Variants in TSHZ2 observed in about 807,000 individuals in gnomAD.
TSHZ2 encodes teashirt homolog 2.
Under a neutral mutation model 74.4 loss-of-function variants are expected in TSHZ2, and 21 were observed. The ratio of observed to expected loss-of-function variants is 0.28; its 90% CI spans 0.20 to 0.41. TSHZ2 has a LOEUF of 0.41. Ranked by LOEUF, TSHZ2 falls within the 10% of genes least tolerant of loss-of-function variation. TSHZ2 has a pLI of 1.00. For synonymous variants in TSHZ2, 540 were observed against 515.3 expected (o/e 1.05, Z -0.65); for missense variants, 1,244 against 1,293.5 (o/e 0.96, Z 0.59).
chr20:53,470,451 T>G (rs559839747), intron 2 of TSHZ2, among the ~76,000 whole-genome samples: 1 of 152,328 alleles, frequency 6.6e-6, no homozygotes, highest in South Asian at 2.1e-4. Flanking sequence ...TACAGGTTTC[T>G]CCCAGGATTA....
At position 53,157,374 on chromosome 20, in the gene TSHZ2, A is replaced by G. The variant is rs544170907; in HGVS notation, c.41-96125A>G. 1.3e-4 allele frequency among the ~76,000 whole-genome samples: 19 copies of G among 150,750 alleles called. No individual in the cohort carries two copies. The South Asian group carries it at 3.6e-3, about 28-fold the overall frequency. The stretch of plus-strand genomic sequence containing the variant: ...ATTCATTTTACTAATGTTCTGTTGA[A>G]CAAACCTGTTCTATCCTCCAACATT... On this transcript the variant is annotated intron_variant, in intron 1 of 2. Transcript: ENST00000371497.
At chr20:53,375,222 G>A (rs1981619035) in intron 2 of TSHZ2, among the ~76,000 whole-genome samples, 1 of 152,194 alleles carries the variant, frequency 6.6e-6, no homozygotes, top group Non-Finnish European at 1.5e-5. Context: ...CAAAAATTGT[G>A]AAGGTGGCCT....
At chr20:53,437,242 G>A (rs1984119455) in intron 2 of TSHZ2, among the ~76,000 whole-genome samples, 1 of 152,108 alleles carries the variant, frequency 6.6e-6, no homozygotes, top group African/African-American at 2.4e-5. Context: ...GGAGGCCGAG[G>A]CAGATGGATC....
chr20:53,057,541 AT>A (rs1984680873), intron 1 of TSHZ2, among the ~76,000 whole-genome samples: 1 of 151,942 alleles, frequency 6.6e-6, no homozygotes, highest in Non-Finnish European at 1.5e-5. Context: ...TTTGCTTTTT[AT>A]GTTGTTATTA....
In TSHZ2 at chr20:53,124,506, T is replaced by C. The variant is rs372704960; in HGVS notation, c.41-128993T>C. On this transcript the variant is annotated intron_variant, in intron 1 of 2. Coordinates refer to ENST00000371497, the MANE Select transcript of TSHZ2 (RefSeq NM_173485.6). The stretch of plus-strand genomic sequence containing the variant: ...TGAAGAGCTAAATGCAAACCTAGCA[T>C]CAGGAGGAGCTCTCTCCATGCATCA... Among the ~76,000 whole-genome samples the C allele has an allele frequency of 4.6e-5, 7 of 152,188 alleles. No individual in the cohort carries two copies. The East Asian group carries it at 1.2e-3, about 25-fold the overall frequency.
In TSHZ2 at chr20:53,055,006, G is replaced by T. The variant is rs371427994; in HGVS notation, c.40+81673G>T. ...GGAAGCCAGAAATCCAGATTTATATGTCAAATCTTCTGATTTCAAAATGTT... is the reference window on the plus strand; with the variant it reads ...GGAAGCCAGAAATCCAGATTTATATTTCAAATCTTCTGATTTCAAAATGTT... On this transcript the variant is annotated intron_variant, in intron 1 of 2. Coordinates refer to ENST00000371497, the MANE Select transcript of TSHZ2 (RefSeq NM_173485.6). Among the ~76,000 whole-genome samples, 68 of 152,272 alleles carry T rather than the reference G, an allele frequency of 4.5e-4. No individual in the cohort carries two copies. The Middle Eastern group carries it at 0.014, about 30-fold the overall frequency.
intron 2 of TSHZ2, among the ~76,000 whole-genome samples, chr20:53,387,444 G>T (rs938957028): frequency 6.6e-6 from 1 of 152,194 alleles, no homozygotes; most frequent in South Asian, 2.1e-4. Flanking sequence ...TGTCACTAAA[G>T]TAAAGGCTCG....
chr20:53,427,827 A>G (rs1012873321), intron 2 of TSHZ2, among the ~76,000 whole-genome samples: 6 of 152,152 alleles, frequency 3.9e-5, no homozygotes, highest in African/African-American at 1.4e-4. Context: ...AAGAACTTCA[A>G]GCATGTTAAG....
chr20:53,274,845 G>A (rs1281032932), intron 2 of TSHZ2, among the ~76,000 whole-genome samples: 1 of 152,040 alleles, frequency 6.6e-6, no homozygotes, highest in Non-Finnish European at 1.5e-5. Flanking sequence ...CCCTAGAGAT[G>A]GGCACGTTGA....
chr20:53,396,233 G>T (rs1269016522), intron 2 of TSHZ2, among the ~76,000 whole-genome samples: 1 of 152,192 alleles, frequency 6.6e-6, no homozygotes, highest in Non-Finnish European at 1.5e-5. Flanking sequence ...CACTGTGCCC[G>T]GCCATTTTAA....
At chr20:53,382,250 T>C (rs1291545375) in intron 2 of TSHZ2, among the ~76,000 whole-genome samples, 1 of 152,044 alleles carries the variant, frequency 6.6e-6, no homozygotes, top group African/African-American at 2.4e-5. Context: ...ATCCCGACAT[T>C]CCTTCCCTGC....
chr20:53,473,602 C>T lies in TSHZ2; in HGVS notation c.*9-13542C>T, dbSNP rs1036186126. 4.2e-4 allele frequency among the ~76,000 whole-genome samples: 62 copies of T among 146,892 alleles called. 2 individuals carry two copies. Among genetic ancestry groups the T allele is most frequent in the Non-Finnish European group, 3.0e-5 (2 of 67,038 alleles). On this transcript the variant is annotated intron_variant, in intron 2 of 2. Coordinates refer to ENST00000371497, the MANE Select transcript of TSHZ2 (RefSeq NM_173485.6). ...GGAAACTCTAAAACGCAGAGCGCCT[C>T]TCCTCCTCCAAAGGAACGCAGTTCC...
chr20:53,001,218 G>GTA (rs796847346), intron 1 of TSHZ2, among the ~76,000 whole-genome samples: 5 of 145,252 alleles, frequency 3.4e-5, no homozygotes, highest in African/African-American at 7.9e-5. Context: ...GTGTGTGTGT[G>GTA]TGTGTGTGTG....
At chr20:53,005,337 C>T (rs1329093097) in intron 1 of TSHZ2, among the ~76,000 whole-genome samples, 1 of 148,978 alleles carries the variant, frequency 6.7e-6, no homozygotes, top group Non-Finnish European at 1.5e-5. Context: ...AATAAATAAA[C>T]AAATAAGCCA....
At chr20:53,192,562 GAAAAAAA>G (rs35358292) in intron 1 of TSHZ2, among the ~76,000 whole-genome samples, 16 of 127,276 alleles carry the variant, frequency 1.3e-4, no homozygotes, top group Admixed American at 3.2e-4. Context: ...TTAGTGTCTG[GAAAAAAA>G]AAAAAAAAAC....
intron 2 of TSHZ2, among the ~76,000 whole-genome samples, chr20:53,349,783 T>G (rs1187692673): frequency 6.6e-6 from 1 of 152,236 alleles, no homozygotes; most frequent in Non-Finnish European, 1.5e-5. Flanking sequence ...TATTCATTCT[T>G]ATATTCTTAT....
intron 1 of TSHZ2, among the ~76,000 whole-genome samples, chr20:53,044,024 A>G (rs544738916): frequency 1.5e-4 from 23 of 152,264 alleles, no homozygotes; most frequent in African/African-American, 5.3e-4. Flanking sequence ...GTACTCCATC[A>G]TTTTGTCCTC....
intron 2 of TSHZ2, among the ~76,000 whole-genome samples, chr20:53,416,839 C>T (rs990663566): frequency 6.6e-6 from 1 of 152,230 alleles, no homozygotes; most frequent in East Asian, 1.9e-4. Flanking sequence ...TGGATTGCAT[C>T]CCCAAATGTG....
chr20:53,294,131 G>A (rs1991333200), intron 2 of TSHZ2, among the ~76,000 whole-genome samples: 2 of 138,198 alleles, frequency 1.4e-5, no homozygotes. Flanking sequence ...GCTGTCATGA[G>A]CTCTTGTGAG....
Sources: gnomAD v4.1 joint callset for allele counts (sites outside exome capture counted in the v4.1 genomes callset) on GRCh38, gnomAD v4.1.1 for gene constraint, MANE v1.5 for transcripts, NCBI Gene and HGNC (gene_info 2026-07-23, HGNC 2026-07-21) for gene names.